Variants in DAB1 observed in about 807,000 individuals in gnomAD.
The protein encoded by DAB1 is DAB adaptor protein 1.
A neutral mutation model predicts 64.6 loss-of-function variants in DAB1; 15 were observed. The ratio of observed to expected loss-of-function variants is 0.23; its 90% CI spans 0.16 to 0.36. The LOEUF is 0.36. DAB1 is among the 10% of genes least tolerant of loss of function. DAB1 has a pLI of 1.00. For missense variants in DAB1, 596 were observed against 706.7 expected (o/e 0.84, Z 1.78); for synonymous variants, 235 against 251.9 (o/e 0.93, Z 0.64).
At chr1:57,455,413 A>G (rs745812386) in intron 7 of DAB1, among the ~76,000 whole-genome samples, 8 of 152,132 alleles carry the variant, frequency 5.3e-5, no homozygotes, top group Non-Finnish European at 1.0e-4. Context: ...GTAGAGTCTG[A>G]TGCTGGAGCC....
chr1:58,203,316 T>C (rs1658098984), intron 4 of DAB1, among the ~76,000 whole-genome samples: 1 of 152,248 alleles, frequency 6.6e-6, no homozygotes, highest in Non-Finnish European at 1.5e-5. Context: ...ATCTGGGCTT[T>C]AAATTATTTA....
Position 57,389,690 on chromosome 1 carries a change from T to C in DAB1, c.-137+34240A>G, listed in dbSNP as rs547920896. ...AAGGAAGGAGCATACTAATGCATAGTACATGGGTACAATTTGTGACCAATA... is the reference window on the plus strand; with the variant it reads ...AAGGAAGGAGCATACTAATGCATAGCACATGGGTACAATTTGTGACCAATA... On this transcript the variant is annotated intron_variant, in intron 1 of 14. Transcript: ENST00000371236. Among the ~76,000 whole-genome samples the C allele has an allele frequency of 9.8e-5, 15 of 152,286 alleles. No individual in the cohort carries two copies. The South Asian group carries it at 3.1e-3, about 32-fold the overall frequency.
At chr1:57,155,202 T>C (rs1341298910) in intron 2 of DAB1, among the ~76,000 whole-genome samples, 1 of 152,216 alleles carries the variant, frequency 6.6e-6, no homozygotes, top group African/African-American at 2.4e-5. Flanking sequence ...TTGATCTGTG[T>C]ATATGGCAAG....
chr1:58,222,033 T>A (rs1051404968), intron 4 of DAB1, among the ~76,000 whole-genome samples: 56 of 152,286 alleles, frequency 3.7e-4, no homozygotes, highest in African/African-American at 1.3e-3. Context: ...TTTAATCCAT[T>A]AGAATATGCT....
intron 4 of DAB1, among the ~76,000 whole-genome samples, chr1:58,267,872 C>T (rs1454971211): frequency 2.0e-5 from 3 of 152,080 alleles, no homozygotes; most frequent in Non-Finnish European, 2.9e-5. Context: ...CTTGCGTCCC[C>T]TTCTCTATGT....
chr1:58,541,990 A>C (rs1646631048), intron 1 of DAB1, among the ~76,000 whole-genome samples: 1 of 152,204 alleles, frequency 6.6e-6, no homozygotes, highest in African/African-American at 2.4e-5. Context: ...AGCTAATACG[A>C]TATTATCTAG....
intron 7 of DAB1, among the ~76,000 whole-genome samples, chr1:57,577,146 G>A (rs1645260085): frequency 1.3e-5 from 2 of 152,206 alleles, no homozygotes; most frequent in South Asian, 4.2e-4. Context: ...TTCTGATGGG[G>A]GACACTTTGG....
At chr1:57,578,623 G>A (rs1031361579) in intron 7 of DAB1, among the ~76,000 whole-genome samples, 1 of 152,180 alleles carries the variant, frequency 6.6e-6, no homozygotes, top group Non-Finnish European at 1.5e-5. Context: ...CACTTTGCAG[G>A]TGCTCAGTAT....
chr1:57,886,759 C>A (rs1644229582), upstream of DAB1, among the ~76,000 whole-genome samples: 1 of 152,072 alleles, frequency 6.6e-6, no homozygotes, highest in South Asian at 2.1e-4. Context: ...ACTCAAAGAA[C>A]CTGAGTTCTA....
At chr1:57,515,291 TA>T (rs1371301844) in intron 7 of DAB1, among the ~76,000 whole-genome samples, 6 of 152,188 alleles carry the variant, frequency 3.9e-5, no homozygotes, top group African/African-American at 1.2e-4. Flanking sequence ...ATTAAAAGGG[TA>T]AAAAATTATA....
At chr1:58,281,333 C>A (rs59364797) in intron 4 of DAB1, among the ~76,000 whole-genome samples, 3 of 151,684 alleles carry the variant, frequency 2.0e-5, no homozygotes, top group African/African-American at 7.3e-5. Context: ...AGTGACGAAG[C>A]CTGAAACCTG....
intron 4 of DAB1, among the ~76,000 whole-genome samples, chr1:58,234,943 A>T (rs1303796515): frequency 2.0e-5 from 3 of 152,242 alleles, no homozygotes; most frequent in Non-Finnish European, 4.4e-5. Context: ...TATCTGGTTG[A>T]AGGAAAAGTA....
chr1:57,623,905 C>G (rs868075260), intron 7 of DAB1, among the ~76,000 whole-genome samples: 53 of 152,206 alleles, frequency 3.5e-4, no homozygotes, highest in African/African-American at 1.3e-3. Context: ...TGTGGGGAGT[C>G]CATGAGAGAA....
At chr1:57,397,543 G>C (rs910403177) in intron 1 of DAB1, among the ~76,000 whole-genome samples, 3 of 152,166 alleles carry the variant, frequency 2.0e-5, no homozygotes, top group Non-Finnish European at 4.4e-5. Context: ...TGGGCTCTGA[G>C]GAAAGGAGCT....
rs1196381378 is a variant in DAB1, at chr1:58,378,174, T to A, written n.258-34771A>T. On this transcript the variant is annotated intron_variant and non_coding_transcript_variant, in intron 3 of 20. Transcript: ENST00000485760. Reference sequence around the variant, plus strand: ...TTTGATCGTCTGAAGCCTTCTTCTCTCAGCTTGTCAAAATCATTCTCCATC... The same window carrying A: ...TTTGATCGTCTGAAGCCTTCTTCTCACAGCTTGTCAAAATCATTCTCCATC... Among the ~76,000 whole-genome samples the A allele has an allele frequency of 2.2e-4, 27 of 122,776 alleles. 3 individuals carry two copies. The highest frequency in any genetic ancestry group is 2.2e-3 in the Admixed American group (27 of 12,464). 80.5% of individuals were successfully genotyped at this position (122,776 alleles called of 152,430 possible).
intron 5 of DAB1, among the ~76,000 whole-genome samples, chr1:58,070,989 T>C (rs1649201094): frequency 6.6e-6 from 1 of 152,048 alleles, no homozygotes; most frequent in Non-Finnish European, 1.5e-5. Context: ...GCCTGGACCA[T>C]AGAGAAGCTG....
At chr1:58,325,505 GA>G (rs2100489848) in intron 4 of DAB1, among the ~76,000 whole-genome samples, 1 of 152,150 alleles carries the variant, frequency 6.6e-6, no homozygotes, top group South Asian at 2.1e-4. Context: ...ATATAGTACA[GA>G]AATTAGCAGC....
chr1:57,903,498 T>G (rs1242275424), intron 5 of DAB1, among the ~76,000 whole-genome samples: 1 of 152,186 alleles, frequency 6.6e-6, no homozygotes, highest in East Asian at 1.9e-4. Context: ...GAGTCTTCTG[T>G]GCTCCCTTCC....
chr1:57,955,970 T>C (rs915026867), intron 5 of DAB1, among the ~76,000 whole-genome samples: 6 of 152,298 alleles, frequency 3.9e-5, no homozygotes, highest in Non-Finnish European at 7.3e-5. Flanking sequence ...TTGGTCATTG[T>C]CTAATCTAGG....
Sources: allele counts gnomAD v4.1 joint callset (sites outside exome capture counted in the v4.1 genomes callset), GRCh38; gene constraint gnomAD v4.1.1; transcripts MANE v1.5; gene names NCBI Gene and HGNC (gene_info 2026-07-23, HGNC 2026-07-21).